The following ARHGAP32 variants were observed in gnomAD, a reference collection of about 807,000 sequenced individuals.
The protein encoded by ARHGAP32 is Rho GTPase activating protein 32, also known as rho GTPase-activating protein 32.
A neutral mutation model predicts 186.5 loss-of-function variants in ARHGAP32; 51 were observed. The ratio of observed to expected loss-of-function variants is 0.27; its 90% CI spans 0.22 to 0.35. ARHGAP32 has a LOEUF of 0.35. Ranked by LOEUF, ARHGAP32 falls within the 10% of genes least tolerant of loss-of-function variation. The pLI, the probability that ARHGAP32 is intolerant of heterozygous loss-of-function variation, is 1.00. For missense variants in ARHGAP32, 2,186 were observed against 2,623.5 expected (o/e 0.83, Z 3.64); for synonymous variants, 950 against 964.3 (o/e 0.99, Z 0.27).
At chr11:129,224,369 T>C (rs989422555) in intron 1 of ARHGAP32, among the ~76,000 whole-genome samples, 1 of 152,140 alleles carries the variant, frequency 6.6e-6, no homozygotes, top group Admixed American at 6.5e-5. Flanking sequence ...GAGGTTTAAG[T>C]AACAGCCATA....
intron 6 of ARHGAP32, among the ~76,000 whole-genome samples, chr11:129,090,994 C>T (rs1029531018): frequency 6.6e-6 from 1 of 152,138 alleles, no homozygotes; most frequent in Admixed American, 6.6e-5. Context: ...TCTCAACAGA[C>T]ACCTTTGTTC....
At chr11:129,156,415 T>C (rs1943408513) in intron 2 of ARHGAP32, among the ~76,000 whole-genome samples, 1 of 152,104 alleles carries the variant, frequency 6.6e-6, no homozygotes, top group African/African-American at 2.4e-5. Flanking sequence ...GGGAGAGTCG[T>C]CCACCATTAC....
chr11:129,182,482 TTGTAATGTAGATATTTTA>T (rs1944077005), intron 1 of ARHGAP32, among the ~76,000 whole-genome samples: 4 of 152,002 alleles, frequency 2.6e-5, no homozygotes, highest in Admixed American at 2.0e-4. Flanking sequence ...GTTTTATATA[TTGTAATGTAGATATTTTA>T]TGTAATGTAG....
chr11:129,146,528 TTTAA>T (rs1943170007), intron 2 of ARHGAP32, among the ~76,000 whole-genome samples: 1 of 152,148 alleles, frequency 6.6e-6, no homozygotes, highest in African/African-American at 2.4e-5. Flanking sequence ...GAGCCTAATA[TTTAA>T]TTGATAAACA....
chr11:129,066,199 G>A (rs1424017824), intron 7 of ARHGAP32, among the ~76,000 whole-genome samples: 1 of 151,910 alleles, frequency 6.6e-6, no homozygotes, highest in African/African-American at 2.4e-5. Context: ...ACATGTTTAG[G>A]CTATATTTAC....
At position 129,066,513 on chromosome 11, in the gene ARHGAP32, T is replaced by C. The variant is rs549311035; in HGVS notation, c.669+218A>G. 2.0e-5 allele frequency among the ~76,000 whole-genome samples: 3 copies of C among 152,188 alleles called. No homozygotes were observed. The South Asian group carries it at 6.2e-4, about 32-fold the overall frequency. On this transcript the variant is annotated intron_variant, in intron 7 of 22. Coordinates refer to ENST00000682385, the MANE Select transcript of ARHGAP32 (RefSeq NM_001378024.1). ...CTCATATATATTGCTTGTTGATATA[T>C]TGTTATGAGTTGTTTTCCCTTATAA...
intron 1 of ARHGAP32, among the ~76,000 whole-genome samples, chr11:129,219,328 G>T (rs540966005): frequency 1.8e-4 from 28 of 152,216 alleles, no homozygotes; most frequent in African/African-American, 6.5e-4. Flanking sequence ...TGAGATAGTT[G>T]TAATTATCAA....
At chr11:129,167,441 A>G (rs1165588723) in intron 1 of ARHGAP32, among the ~76,000 whole-genome samples, 1 of 152,232 alleles carries the variant, frequency 6.6e-6, no homozygotes, top group Non-Finnish European at 1.5e-5. Context: ...ATTATTCATA[A>G]TAGCCAAAAA....
chr11:129,119,191 G>C (rs981339377), intron 5 of ARHGAP32, among the ~76,000 whole-genome samples: 2 of 151,860 alleles, frequency 1.3e-5, no homozygotes, highest in African/African-American at 4.8e-5. Context: ...AGGGTATCTA[G>C]GAACCGTACT....
At chr11:129,093,849 T>C (rs1013692805) in intron 5 of ARHGAP32, 142 bp from the exon 6 acceptor site, 4 of 637,884 alleles carry the variant, frequency 6.3e-6, no homozygotes, top group Non-Finnish European at 1.1e-5. Flanking sequence ...GAGAACTTCA[T>C]TGCTTAAGGC....
chr11:129,144,905 G>GA (rs1449091858), intron 2 of ARHGAP32, among the ~76,000 whole-genome samples: 1 of 152,020 alleles, frequency 6.6e-6, no homozygotes, highest in Admixed American at 6.6e-5. Flanking sequence ...AAATAATTTG[G>GA]AAAAAACTAT....
upstream of ARHGAP32, among the ~76,000 whole-genome samples, chr11:129,193,688 A>ATAATATATG (rs1944343027): frequency 3.0e-5 from 1 of 33,332 alleles, no homozygotes; most frequent in Non-Finnish European, 5.9e-5. Context: ...TATAATATAT[A>ATAATATATG]TTATATAATA....
chr11:129,053,078 A>T (rs1289064913), intron 10 of ARHGAP32, among the ~76,000 whole-genome samples: 1 of 151,826 alleles, frequency 6.6e-6, no homozygotes, highest in African/African-American at 2.4e-5. Context: ...AAAGTATAAT[A>T]AAAAAAAGAA....
At chr11:129,278,094 C>G (rs1403586647) in intron 1 of ARHGAP32, among the ~76,000 whole-genome samples, 3 of 152,204 alleles carry the variant, frequency 2.0e-5, no homozygotes, top group Non-Finnish European at 2.9e-5. Context: ...CAAACATAGA[C>G]AATGTTTACA....
intron 2 of ARHGAP32, among the ~76,000 whole-genome samples, chr11:129,162,860 CCAAATTAT>C (rs1186440055): frequency 6.6e-6 from 1 of 152,012 alleles, no homozygotes; most frequent in Non-Finnish European, 1.5e-5. Flanking sequence ...TCCATGCATC[CCAAATTAT>C]CAAATATTAA....
At chr11:129,233,990 A>G (rs1396191503) in intron 1 of ARHGAP32, among the ~76,000 whole-genome samples, 2 of 152,148 alleles carry the variant, frequency 1.3e-5, no homozygotes, top group African/African-American at 4.8e-5. Flanking sequence ...GTTCAATTGT[A>G]TAATATTTCA....
At chr11:129,153,194 TACAA>T (rs1943327715) in intron 2 of ARHGAP32, among the ~76,000 whole-genome samples, 1 of 151,100 alleles carries the variant, frequency 6.6e-6, no homozygotes, top group Non-Finnish European at 1.5e-5. Context: ...GAACTATCTC[TACAA>T]GGAAAACTGC....
chr11:128,974,353 T>C lies in ARHGAP32; in HGVS notation c.2844A>G (p.Ala948=), dbSNP rs1392474779. 6.2e-7 allele frequency: 1 copy of C among 1,614,246 alleles called. No homozygotes were observed. The highest frequency in any genetic ancestry group is 8.5e-7 in the Non-Finnish European group (1 of 1,180,036). The change falls in exon 21 of 23, where the codon GCA becomes GCG. Residue 948 remains alanine, a synonymous_variant. Transcript: ENST00000682385. ...GTVSNTTAQN[A]SSSTWDKCVE... ...CGCATTTGTCCCAGGTTGAAGATGATGCATTCTGAGCTGTGGTATTTGAGA... is the reference window on the plus strand; with the variant it reads ...CGCATTTGTCCCAGGTTGAAGATGACGCATTCTGAGCTGTGGTATTTGAGA...
Position 128,981,317 on chromosome 11 carries a change from G to T in ARHGAP32, c.1780+99C>A, listed in dbSNP as rs1418088818. ...ATACATTATTAGCTGCCTTATACCA[G>T]TGACACGTTTTTGTTGTTGCAATAA... On this transcript the variant is annotated intron_variant, in intron 17 of 22. Transcript: ENST00000682385. 7 of 1,314,206 alleles carry T rather than the reference G, an allele frequency of 5.3e-6. No homozygotes were observed. The African/African-American group carries it at 5.9e-5, about 11-fold the overall frequency. 81.4% of individuals were successfully genotyped at this position (1,314,206 alleles called of 1,614,324 possible). A position where few individuals can be genotyped will look rare whatever the true frequency, so the allele number is the denominator to read the frequency against.
Sources: gnomAD v4.1 joint callset for allele counts (sites outside exome capture counted in the v4.1 genomes callset) on GRCh38, gnomAD v4.1.1 for gene constraint, MANE v1.5 for transcripts, NCBI Gene and HGNC (gene_info 2026-07-23, HGNC 2026-07-21) for gene names.